ZDHHC15: variants seen among roughly 807,000 people sequenced by gnomAD.
ZDHHC15 encodes zDHHC palmitoyltransferase 15, also known as palmitoyltransferase ZDHHC15.
A neutral mutation model predicts 31.7 loss-of-function variants in ZDHHC15; 19 were observed. The ratio of observed to expected loss-of-function variants is 0.60; its 90% CI spans 0.42 to 0.88. The LOEUF is 0.88. ZDHHC15 is among the 40% of genes least tolerant of loss of function. The pLI, the probability that ZDHHC15 is intolerant of heterozygous loss-of-function variation, is 0.00. For missense variants in ZDHHC15, 209 were observed against 251.2 expected (o/e 0.83, Z 1.14); for synonymous variants, 103 against 90.0 (o/e 1.14, Z -0.82).
intron 9 of ZDHHC15, among the ~76,000 whole-genome samples, chrX:75,417,539 GT>G (rs1396248797): frequency 8.9e-6 from 1 of 112,014 alleles, no homozygotes; most frequent in Non-Finnish European, 1.9e-5. Context: ...TTGATTCTAA[GT>G]TTTCAAGAAA....
At chrX:75,399,138 C>T (rs987134117) in intron 10 of ZDHHC15, among the ~76,000 whole-genome samples, 1 of 111,253 alleles carries the variant, frequency 9.0e-6, no homozygotes. Context: ...GAAAAAGTGG[C>T]CAGACTGTTA....
intron 1 of ZDHHC15, among the ~76,000 whole-genome samples, chrX:75,509,850 C>A (rs894124789): frequency 8.9e-6 from 1 of 112,263 alleles, no homozygotes; most frequent in African/African-American, 3.2e-5. Context: ...TTACATTTTA[C>A]AATAAGTTTA....
At chrX:75,397,338 AT>A (rs201938429) in intron 10 of ZDHHC15, among the ~76,000 whole-genome samples, 87 of 109,150 alleles carry the variant, frequency 8.0e-4, no homozygotes, top group East Asian at 1.7e-3. Context: ...AAAAAAAAAA[AT>A]TGTTAGAATA....
chrX:75,510,538 T>A (rs1189226270), intron 1 of ZDHHC15, among the ~76,000 whole-genome samples: 1 of 105,155 alleles, frequency 9.5e-6, no homozygotes, highest in Non-Finnish European at 1.9e-5. Context: ...AATTTCTTTT[T>A]TTTTTTTTAT....
intron 2 of ZDHHC15, 98 bp downstream of exon 2, chrX:75,505,723 C>T: frequency 2.0e-6 from 2 of 996,252 alleles, no homozygotes; most frequent in East Asian, 6.2e-5. Flanking sequence ...AAGTTTATTT[C>T]TGGGAAAATT....
intron 10 of ZDHHC15, among the ~76,000 whole-genome samples, chrX:75,393,292 T>C (rs974976199): frequency 3.6e-5 from 4 of 111,115 alleles, no homozygotes; most frequent in African/African-American, 1.3e-4. Context: ...GCAGTGTTCC[T>C]CCCTCTGAAA....
chrX:75,433,871 G>C (rs2083816135), intron 4 of ZDHHC15, among the ~76,000 whole-genome samples: 1 of 110,990 alleles, frequency 9.0e-6, no homozygotes, highest in South Asian at 3.8e-4. Flanking sequence ...GAGTGGGATT[G>C]TTGGATCAAA....
intron 2 of ZDHHC15, among the ~76,000 whole-genome samples, chrX:75,489,792 C>T (rs939196028): frequency 9.0e-6 from 1 of 111,678 alleles, no homozygotes; most frequent in Admixed American, 9.5e-5. Context: ...CGAACTACTC[C>T]GAGCTAAAGG....
chrX:75,369,315 ATGTGTGTGTGTGTGTGTG>A lies in ZDHHC15; in HGVS notation c.*3645_*3662del, dbSNP rs58983071. 1 of 102,930 alleles carries A rather than the reference ATGTGTGTGTGTGTGTGTG, an allele frequency of 9.7e-6. No homozygotes were observed. The highest frequency in any genetic ancestry group is 2.0e-5 in the Non-Finnish European group (1 of 50,482). 8.5% of individuals were successfully genotyped at this position (102,930 alleles called of 1,213,427 possible). On this transcript the variant is annotated 3_prime_UTR_variant, in exon 12 of 12. Coordinates refer to ENST00000373367, the MANE Select transcript of ZDHHC15 (RefSeq NM_144969.3). ...GCAGCCTGCTTTGGAGAAAATGTGT[ATGTGTGTGTGTGTGTGTG>A]TGTGTGTGTGTGTACATGTGCATAC...
chrX:75,429,231 G>A (rs1200571490), intron 6 of ZDHHC15, 33 bp from the exon 7 acceptor site: 1 of 1,185,883 alleles, frequency 8.4e-7, no homozygotes, highest in Non-Finnish European at 1.1e-6. Flanking sequence ...TTGACATCAG[G>A]ACCTCTTGAT....
intron 3 of ZDHHC15, among the ~76,000 whole-genome samples, chrX:75,460,790 G>A (rs2084301144): frequency 8.9e-6 from 1 of 111,738 alleles, no homozygotes; most frequent in South Asian, 3.8e-4. Context: ...TCAAAGGTCA[G>A]CAACCTCAAA....
At chrX:75,399,801 C>T (rs750646853) in intron 10 of ZDHHC15, among the ~76,000 whole-genome samples, 1 of 111,229 alleles carries the variant, frequency 9.0e-6, no homozygotes, top group South Asian at 3.9e-4. Flanking sequence ...AAGAGTCTAC[C>T]AAATGACCAG....
At chrX:75,452,243 G>C (rs1198121091) in intron 3 of ZDHHC15, among the ~76,000 whole-genome samples, 2 of 105,769 alleles carry the variant, frequency 1.9e-5, no homozygotes, top group Admixed American at 2.0e-4. Flanking sequence ...TGCAATCCTA[G>C]TCTCTGAAAA....
intron 10 of ZDHHC15, among the ~76,000 whole-genome samples, chrX:75,410,752 G>A (rs1569315977): frequency 8.9e-6 from 1 of 111,968 alleles, no homozygotes. Flanking sequence ...CCAAAAGAAA[G>A]GAAATCAGTG....
chrX:75,522,972 C>T lies in ZDHHC15; in HGVS notation c.53G>A (p.Arg18Gln), dbSNP rs1407325291. Residue 18 changes from arginine to glutamine, a missense_variant, in exon 1 of 12, where the codon CGG (arginine) becomes CAG (glutamine). Transcript: ENST00000373367. Reference sequence around the variant, plus strand: ...GAGCACTGGCACCCAGGACAGTACCCGGCGGCAGCACCGCAGCCCCCCAGA... The same window carrying T: ...GAGCACTGGCACCCAGGACAGTACCTGGCGGCAGCACCGCAGCCCCCCAGA... ...ALSGGLRCCR[R>Q]VLSWVPVLVI... The T allele has an allele frequency of 1.7e-6, 2 of 1,211,571 alleles. No individual in the cohort carries two copies. The highest frequency in any genetic ancestry group is 2.2e-6 in the Non-Finnish European group (2 of 895,347).
At chrX:75,517,920 C>T (rs2085384689) in intron 1 of ZDHHC15, among the ~76,000 whole-genome samples, 2 of 108,433 alleles carry the variant, frequency 1.8e-5, no homozygotes, top group South Asian at 8.0e-4. Context: ...CACTTGAGCC[C>T]AGGAGTTTGA....
intron 4 of ZDHHC15, among the ~76,000 whole-genome samples, chrX:75,431,847 C>T (rs1031670834): frequency 1.8e-5 from 2 of 111,323 alleles, no homozygotes; most frequent in Non-Finnish European, 3.8e-5. Context: ...CTCTATTTAC[C>T]CCCAACTTTC....
Position 75,491,068 on chromosome X carries a change from T to C in ZDHHC15, c.164-12083A>G, listed in dbSNP as rs113854633. ...TCAACCATTGTGGAAGCCAGTGTGG[T>C]GATTCCTCAGGGATCTAGAACTAGA... On this transcript the variant is annotated intron_variant, in intron 2 of 11. Transcript: ENST00000373367. Among the ~76,000 whole-genome samples the C allele has an allele frequency of 3.4e-3, 375 of 111,676 alleles. 2 individuals carry two copies. Among genetic ancestry groups the C allele is most frequent in the African/African-American group, 0.011 (347 of 30,753 alleles).
chrX:75,502,115 T>C (rs1173255237), intron 2 of ZDHHC15: 3 of 112,069 alleles, frequency 2.7e-5, no homozygotes, highest in Non-Finnish European at 5.6e-5. Flanking sequence ...AAATTTATTG[T>C]CTCACAATTC....
Sources: gnomAD v4.1 joint callset for allele counts (sites outside exome capture counted in the v4.1 genomes callset) on GRCh38, gnomAD v4.1.1 for gene constraint, MANE v1.5 for transcripts, NCBI Gene and HGNC (gene_info 2026-07-23, HGNC 2026-07-21) for gene names.